Variants in ABCA3 observed in about 807,000 individuals in gnomAD.
ABCA3 encodes the protein phospholipid-transporting ATPase ABCA3.
ABCA3 carries 88 observed loss-of-function variants against 172.8 expected under a neutral mutation model. The ratio of observed to expected loss-of-function variants is 0.51; its 90% CI spans 0.43 to 0.61. ABCA3 has a LOEUF of 0.61. Ranked by LOEUF, ABCA3 falls within the 20% of genes least tolerant of loss-of-function variation. The pLI, the probability that ABCA3 is intolerant of heterozygous loss-of-function variation, is 0.00. For synonymous variants in ABCA3, 1,066 were observed against 983.8 expected (o/e 1.08, Z -1.56); for missense variants, 2,164 against 2,301.0 (o/e 0.94, Z 1.22).
chr16:2,321,851 C>T (rs1048656881), intron 7 of ABCA3, among the ~76,000 whole-genome samples: 6 of 151,988 alleles, frequency 3.9e-5, no homozygotes, highest in African/African-American at 1.5e-4. Flanking sequence ...AGAGAAGGCC[C>T]GGCAGAAAAA....
rs187986122 is a variant in ABCA3 at position 2,286,624 on chromosome 16, G to C, written c.3278+70C>G. On this transcript the variant is annotated intron_variant, in intron 22 of 32. Coordinates refer to ENST00000301732, the MANE Select transcript of ABCA3 (RefSeq NM_001089.3). This position sits in a 1 kb window ranked among gnomAD's most constrained non-coding sequence, Gnocchi z 5.2. ...GACACAATGCTCTATCTATGGGCCC[G>C]TGGCAGTGCCCAGGGCAGTCAGTCC... 1 of 1,587,432 alleles carries C rather than the reference G, an allele frequency of 6.3e-7. No homozygotes were observed. Among genetic ancestry groups the C allele is most frequent in the Non-Finnish European group, 8.6e-7 (1 of 1,161,700 alleles).
intron 10 of ABCA3, among the ~76,000 whole-genome samples, chr16:2,310,411 CAAACAAACAAACAAAA>C (rs1460576634): frequency 6.9e-6 from 1 of 145,364 alleles, no homozygotes; most frequent in South Asian, 2.1e-4. Context: ...TGTCTCAAAA[CAAACAAACAAACAAAA>C]AAACAAACAA....
Position 2,315,196 on chromosome 16 carries a change from T to C in ABCA3, c.1111+2087A>G, listed in dbSNP as rs201928425. Among the ~76,000 whole-genome samples the C allele has an allele frequency of 8.2e-5, 12 of 145,710 alleles. No homozygotes were observed. The East Asian group carries it at 2.0e-3, about 24-fold the overall frequency. The stretch of plus-strand genomic sequence containing the variant: ...TGGTGCCCGGTCATAAATTGTTGTA[T>C]GTATTTTACACACACACACACACAC... On this transcript the variant is annotated intron_variant, in intron 10 of 32. Transcript: ENST00000301732.
rs1262271630 is a variant in ABCA3, at chr16:2,284,168, AG to A, written c.3862+110del. The A allele has an allele frequency of 7.3e-7, 1 of 1,361,258 alleles. No homozygotes were observed. 84.3% of individuals were successfully genotyped at this position (1,361,258 alleles called of 1,614,324 possible). A position where few individuals can be genotyped will look rare whatever the true frequency, so the allele number is the denominator to read the frequency against. ...GCAAGGCGGTACAGAGGAACGCACC[AG>A]CCCCAGGCCACTCAGACGCAGAGGA... On this transcript the variant is annotated intron_variant, in intron 25 of 32. Coordinates refer to ENST00000301732, the MANE Select transcript of ABCA3 (RefSeq NM_001089.3). This position sits in a 1 kb window ranked among gnomAD's most constrained non-coding sequence, Gnocchi z 5.9.
intron 8 of ABCA3, among the ~76,000 whole-genome samples, chr16:2,318,075 A>G (rs144215289): frequency 3.3e-5 from 5 of 152,320 alleles, no homozygotes; most frequent in African/African-American, 1.2e-4. Context: ...TCGTCCCCCG[A>G]AGCTACGTCA....
intron 11 of ABCA3, among the ~76,000 whole-genome samples, 173 bp downstream of exon 11, chr16:2,308,277 T>A (rs2093700900): frequency 6.6e-6 from 1 of 152,198 alleles, no homozygotes; most frequent in African/African-American, 2.4e-5. Flanking sequence ...CCCGGGGCCG[T>A]GTCCAGCTAT....
In ABCA3 at chr16:2,292,197, T is replaced by A. The variant is rs2093673131; in HGVS notation, c.2456A>T (p.Glu819Val). Residue 819 changes from glutamate (E) to valine (V), a missense_variant, in exon 19 of 33, where the codon GAG (glutamate) becomes GTG (valine). Transcript: ENST00000301732. The part of the protein sequence containing the change: ...LFAKLEKKQK[E>V]LGIASFGASI... ...TGCCCCAAAGCTGGCAATGCCCAGC[T>A]CTTTCTGCTTCTTCTCCAGTTTAGC... 1 of 1,613,990 alleles carries A rather than the reference T, an allele frequency of 6.2e-7. No individual in the cohort carries two copies. The highest frequency in any genetic ancestry group is 8.5e-7 in the Non-Finnish European group (1 of 1,179,942).
At chr16:2,327,963 C>T (rs1476552636) in intron 3 of ABCA3, among the ~76,000 whole-genome samples, 5 of 152,220 alleles carry the variant, frequency 3.3e-5, no homozygotes, top group African/African-American at 4.8e-5. Flanking sequence ...TCAAATGATC[C>T]GCCCGCCTCA....
rs141621969 is a variant in ABCA3 at position 2,300,114 on chromosome 16, G to T, written c.1502C>A (p.Ala501Glu). The T allele has an allele frequency of 2.7e-3, 4,303 of 1,613,474 alleles. 45 individuals are homozygous for T. The Middle Eastern group carries it at 0.031, about 12-fold the overall frequency. Residue 501 changes from alanine to glutamate, a missense_variant, in exon 13 of 33, where the codon GCA becomes GAA. By Grantham distance (107) the Ala-to-Glu change is moderately radical. This residue lies in a region of ABCA3 where 1,343 missense variants were observed against 1,369.6 expected (regional missense o/e 0.98). Transcript: ENST00000301732. ...SYWCGKPRAVAGKEEEDSDPE... is the reference protein window; with the variant it reads ...SYWCGKPRAVEGKEEEDSDPE... ...GTCACTGTCTTCTTCCTCCTTCCCT[G>T]CAACCGCCCTTGGCTTCCCACACCA...
intron 4 of ABCA3, 47 bp downstream of exon 4, chr16:2,326,366 C>T: frequency 6.2e-7 from 1 of 1,612,514 alleles, no homozygotes; most frequent in Non-Finnish European, 8.5e-7. Context: ...CCCCAGGAGC[C>T]TCTGGGCTAG....
At chr16:2,333,594 CA>C (rs1351379502) in intron 1 of ABCA3, among the ~76,000 whole-genome samples, 1 of 151,028 alleles carries the variant, frequency 6.6e-6, no homozygotes, top group East Asian at 1.9e-4. Flanking sequence ...GTATACAAGA[CA>C]AAAAAGCATT....
rs1303214685 is a variant in ABCA3, at chr16:2,278,165, C to G, written c.4719-96G>C. On this transcript the variant is annotated intron_variant, in intron 30 of 32. Transcript: ENST00000301732. The surrounding 1 kb of genome is among the most constrained non-coding windows in gnomAD (Gnocchi z 4.4). The stretch of plus-strand genomic sequence containing the variant: ...TCTCCGATCAGGCTGTTCCTGATAC[C>G]CATGCTCAGTGTGGCTCACGGGCAG... The G allele has an allele frequency of 1.9e-6, 3 of 1,596,064 alleles. No individual in the cohort carries two copies. The highest frequency in any genetic ancestry group is 2.2e-5 in the East Asian group (1 of 44,662).
chr16:2,338,055 G>A (rs570181481), intron 1 of ABCA3, among the ~76,000 whole-genome samples: 5 of 152,314 alleles, frequency 3.3e-5, no homozygotes, highest in Non-Finnish European at 7.4e-5. Flanking sequence ...TCTCCAGCCA[G>A]CTAGCTGTTC....
At chr16:2,332,760 G>A (rs1477353294) in intron 1 of ABCA3, 1 of 998,046 alleles carries the variant, frequency 1.0e-6, no homozygotes, top group Non-Finnish European at 1.5e-6. Context: ...TTTGTGGTTT[G>A]CAGGTATTTT....
In ABCA3 at chr16:2,324,493, TGTA is replaced by T; in HGVS notation, c.355_357del (p.Tyr119del). On this transcript the variant is annotated inframe_deletion, in exon 6 of 33. Coordinates refer to ENST00000301732, the MANE Select transcript of ABCA3 (RefSeq NM_001089.3). ...CTGGACGAGCAGTTGTCGTACCTAA[TGTA>T]GTCCTCAAAGTCCTTCTCGGAGGGA... 6.2e-7 allele frequency: 1 copy of T among 1,611,076 alleles called. No homozygotes were observed. The highest frequency in any genetic ancestry group is 1.3e-5 in the African/African-American group (1 of 74,942).
Position 2,283,260 on chromosome 16 carries a change from G to A in ABCA3, c.3961C>T (p.Leu1321Phe), listed in dbSNP as rs756359060. ...AASGCAYLIL[L>F]FLIETNLLQR... is the part of the protein sequence containing the mutation. Reference sequence around the variant, plus strand: ...AGCAGGTTGGTCTCGATGAGGAAGAGCAGGATGAGGTAGGCGCACCCTGAG... The same window carrying A: ...AGCAGGTTGGTCTCGATGAGGAAGAACAGGATGAGGTAGGCGCACCCTGAG... The change falls in exon 26 of 33, where the codon CTC (leucine) becomes TTC (phenylalanine). Residue 1321 changes from leucine (L) to phenylalanine (F), a missense_variant. Leu to Phe is a conservative substitution (Grantham distance 22). This residue lies in a region of ABCA3 where 795 missense variants were observed against 881.9 expected (regional missense o/e 0.90). Transcript: ENST00000301732. This position sits in a 1 kb window ranked among gnomAD's most constrained non-coding sequence, Gnocchi z 5.4. The A allele has an allele frequency of 1.4e-5, 22 of 1,613,478 alleles. 1 individual carries two copies. The South Asian group carries it at 2.4e-4, about 18-fold the overall frequency.
At position 2,286,840 on chromosome 16, in the gene ABCA3, G is replaced by A. The variant is rs2093663938; in HGVS notation, c.3132C>T (p.Asn1044=). ...ERTVVNALFN[N]QAYHSPATAL... is the part of the protein sequence containing the mutation. ...CAGTGGCTGGAGAGTGGTACGCCTGGTTGTTGAACAAGGCGTTGACGACCG... is the reference window on the plus strand; with the variant it reads ...CAGTGGCTGGAGAGTGGTACGCCTGATTGTTGAACAAGGCGTTGACGACCG... Residue 1044 remains asparagine, a synonymous_variant, in exon 22 of 33, where the codon AAC becomes AAT. Transcript: ENST00000301732. The surrounding 1 kb of genome is among the most constrained non-coding windows in gnomAD (Gnocchi z 5.2). 1 of 1,614,158 alleles carries A rather than the reference G, an allele frequency of 6.2e-7. No homozygotes were observed. Among genetic ancestry groups the A allele is most frequent in the Non-Finnish European group, 8.5e-7 (1 of 1,180,036 alleles).
At position 2,297,262 on chromosome 16, in the gene ABCA3, T is replaced by G; in HGVS notation, c.2263+67A>C. ...CTGATCTGAGGGCCCTTCATGAAGG[T>G]AGCAGCCATTCCCTCAGCACGGCAG... On this transcript the variant is annotated intron_variant, in intron 17 of 32. Coordinates refer to ENST00000301732, the MANE Select transcript of ABCA3 (RefSeq NM_001089.3). This position sits in a 1 kb window ranked among gnomAD's most constrained non-coding sequence, Gnocchi z 5.6. The G allele has an allele frequency of 6.4e-7, 1 of 1,557,210 alleles. No homozygotes were observed. Among genetic ancestry groups the G allele is most frequent in the South Asian group, 1.1e-5 (1 of 89,062 alleles).
chr16:2,300,049 G>A lies in ABCA3; in HGVS notation c.1567C>T (p.Pro523Ser). ...ALRNEYFEAE[P>S]EDLVAGIKIK... Reference sequence around the variant, plus strand: ...TTGATCCCCGCCACCAGGTCCTCTGGCTCGGCTTCAAAGTACTCGTTTCTG... The same window carrying A: ...TTGATCCCCGCCACCAGGTCCTCTGACTCGGCTTCAAAGTACTCGTTTCTG... Residue 523 changes from proline (P) to serine (S), a missense_variant, in exon 13 of 33, where the codon CCA (proline) becomes TCA (serine). By Grantham distance (74) the Pro-to-Ser change is moderately conservative. Transcript: ENST00000301732. The A allele has an allele frequency of 1.2e-6, 2 of 1,613,438 alleles. No homozygotes were observed. Among genetic ancestry groups the A allele is most frequent in the South Asian group, 1.1e-5 (1 of 91,036 alleles).
Sources: allele counts gnomAD v4.1 joint callset (sites outside exome capture counted in the v4.1 genomes callset), GRCh38; gene constraint gnomAD v4.1.1; regional missense constraint gnomAD v4.1.1; non-coding constraint Gnocchi (gnomAD v3.1); transcripts MANE v1.5; gene names NCBI Gene and HGNC (gene_info 2026-07-23, HGNC 2026-07-21).